Variants in SIN3A observed in about 807,000 individuals in gnomAD.
SIN3A encodes the protein paired amphipathic helix protein Sin3a.
SIN3A carries 14 observed loss-of-function variants against 146.1 expected under a neutral mutation model. That is an observed-to-expected ratio of 0.10 (90% confidence interval 0.06 to 0.15). SIN3A has a LOEUF of 0.15. Ranked by LOEUF, SIN3A falls within the 10% of genes least tolerant of loss-of-function variation. SIN3A has a pLI of 1.00. For missense variants in SIN3A, 1,028 were observed against 1,576.0 expected (o/e 0.65, Z 5.89); for synonymous variants, 572 against 572.0 (o/e 1.00, Z 0.00).
intron 2 of SIN3A, among the ~76,000 whole-genome samples, chr15:75,425,509 G>GT (rs1389332922): frequency 2.6e-5 from 4 of 152,114 alleles, no homozygotes; most frequent in Admixed American, 2.6e-4. Context: ...TACGAGCACT[G>GT]TATCTAATGT....
intron 15 of SIN3A, among the ~76,000 whole-genome samples, chr15:75,390,651 G>A (rs950117323): frequency 2.6e-5 from 4 of 152,156 alleles, no homozygotes; most frequent in Non-Finnish European, 4.4e-5. Context: ...GTTATGTTTC[G>A]TTTCTTGAAC....
At chr15:75,417,610 C>T (rs1191729618) in intron 3 of SIN3A, among the ~76,000 whole-genome samples, 2 of 151,958 alleles carry the variant, frequency 1.3e-5, no homozygotes, top group East Asian at 1.9e-4. Flanking sequence ...AACTCCTGAC[C>T]TCAACTGATC....
intron 18 of SIN3A, among the ~76,000 whole-genome samples, chr15:75,381,406 G>A (rs1427506964): frequency 3.3e-5 from 5 of 152,190 alleles, no homozygotes; most frequent in African/African-American, 4.8e-5. Context: ...TTTACTAAGT[G>A]CAAGATGAGG....
intron 2 of SIN3A, 116 bp from the exon 3 acceptor site, chr15:75,422,939 C>A: frequency 1.8e-6 from 2 of 1,084,960 alleles, no homozygotes; most frequent in Non-Finnish European, 2.6e-6. Flanking sequence ...CAAATTTCTG[C>A]TGGGCGTGAT....
rs531335819 is a variant in SIN3A at position 75,415,670 on chromosome 15, G to A, written c.367-1359C>T. On this transcript the variant is annotated intron_variant, in intron 3 of 20. Coordinates refer to ENST00000394947, the MANE Select transcript of SIN3A (RefSeq NM_001145358.2). Reference sequence around the variant, plus strand: ...AGTTCGAGACCAGCCTGACCAACACGGAGAAACCCATCTCTACTAAAAATA... The same window carrying A: ...AGTTCGAGACCAGCCTGACCAACACAGAGAAACCCATCTCTACTAAAAATA... 4.7e-4 allele frequency: 75 copies of A among 160,180 alleles called. 1 individual carries two copies. The South Asian group carries it at 0.011, about 22-fold the overall frequency. The allele number at this position is 160,180 out of a possible 1,614,324, so 9.9% of individuals were successfully genotyped here.
chr15:75,416,745 T>C (rs1423060654), intron 3 of SIN3A, among the ~76,000 whole-genome samples: 5 of 152,218 alleles, frequency 3.3e-5, no homozygotes, highest in Non-Finnish European at 7.3e-5. Flanking sequence ...TAACTCCCTT[T>C]TACCCAGACA....
intron 2 of SIN3A, among the ~76,000 whole-genome samples, chr15:75,426,870 T>A (rs1432872522): frequency 2.0e-5 from 3 of 151,842 alleles, no homozygotes; most frequent in Admixed American, 6.6e-5. Flanking sequence ...AGGTGAAGGG[T>A]GCAGTGAGCT....
intron 15 of SIN3A, 42 bp downstream of exon 15, chr15:75,392,200 A>G (rs182870460): frequency 6.3e-7 from 1 of 1,577,594 alleles, no homozygotes. Flanking sequence ...TAAGGTCCTC[A>G]ACCTCACACA....
chr15:75,438,742 A>C (rs958528331), intron 1 of SIN3A, among the ~76,000 whole-genome samples: 1 of 152,162 alleles, frequency 6.6e-6, no homozygotes, highest in African/African-American at 2.4e-5. Flanking sequence ...CTCTTAGAAC[A>C]AAAAATAAAA....
intron 9 of SIN3A, among the ~76,000 whole-genome samples, chr15:75,406,235 G>A (rs984362736): frequency 7.2e-5 from 11 of 152,110 alleles, no homozygotes; most frequent in Non-Finnish European, 1.5e-4. Context: ...AAGTTTATGT[G>A]GCCAAACTAA....
At chr15:75,397,163 A>C (rs2073320436) in intron 12 of SIN3A, among the ~76,000 whole-genome samples, 1 of 152,208 alleles carries the variant, frequency 6.6e-6, no homozygotes, top group African/African-American at 2.4e-5. Context: ...AGCTTAAAAT[A>C]AGGTTCTCTA....
chr15:75,394,605 G>A, intron 14 of SIN3A, 75 bp downstream of exon 14: 1 of 1,242,670 alleles, frequency 8.0e-7, no homozygotes, highest in Non-Finnish European at 1.1e-6. Flanking sequence ...ATTTAACAAA[G>A]GTAATTTCCA....
intron 3 of SIN3A, among the ~76,000 whole-genome samples, chr15:75,416,553 T>C (rs1222256343): frequency 2.0e-5 from 3 of 152,296 alleles, no homozygotes; most frequent in Non-Finnish European, 4.4e-5. Context: ...CTCAAACTCC[T>C]GACCACAAGT....
intron 1 of SIN3A, among the ~76,000 whole-genome samples, chr15:75,448,661 T>C (rs1211153213): frequency 6.6e-6 from 1 of 152,178 alleles, no homozygotes; most frequent in Non-Finnish European, 1.5e-5. Flanking sequence ...AACTCTTGGC[T>C]GGTGGATTGC....
chr15:75,382,757 C>G (rs1438517443), intron 17 of SIN3A, among the ~76,000 whole-genome samples: 6 of 151,614 alleles, frequency 4.0e-5, no homozygotes, highest in East Asian at 3.9e-4. Flanking sequence ...GACAAGCCTG[C>G]CCAACATGGT....
chr15:75,386,810 C>T (rs762197844), intron 16 of SIN3A, among the ~76,000 whole-genome samples: 8 of 152,148 alleles, frequency 5.3e-5, no homozygotes, highest in Non-Finnish European at 1.2e-4. Context: ...CCCTCTTAAG[C>T]CAGCCTACAA....
chr15:75,407,892 C>CAA (rs775913884), intron 8 of SIN3A, among the ~76,000 whole-genome samples: 2,744 of 24,660 alleles, frequency 0.11, 795 homozygotes, highest in Middle Eastern at 0.38. Context: ...GACTCCATCT[C>CAA]AAAAAAAAAA....
At position 75,414,251 on chromosome 15, in the gene SIN3A, C is replaced by T; in HGVS notation, c.427G>A (p.Val143Ile). The change falls in exon 4 of 21, where the codon GTC becomes ATC. Residue 143 changes from valine to isoleucine, a missense_variant. Val to Ile is a conservative substitution (Grantham distance 29). Around this residue, in one of 9 missense-constraint regions of SIN3A, gnomAD observed 152 missense variants for 231.5 expected, o/e 0.66. Coordinates refer to ENST00000394947, the MANE Select transcript of SIN3A (RefSeq NM_001145358.2). ...ATGATGTCAAGGAAATCATTGTAGA[C>T]CTGAGGCTGACTACCAAACTGCAGC... ...VKLQFGSQPQ[V>I]YNDFLDIMKE... 6.4e-7 allele frequency: 1 copy of T among 1,555,724 alleles called. No homozygotes were observed. Among genetic ancestry groups the T allele is most frequent in the Non-Finnish European group, 8.7e-7 (1 of 1,143,142 alleles).
chr15:75,411,452 G>C, intron 6 of SIN3A, 40 bp downstream of exon 6: 1 of 1,581,444 alleles, frequency 6.3e-7, no homozygotes. Context: ...TGCCCTAAGA[G>C]GGTGACCTGG....
Sources: gnomAD v4.1 joint callset for allele counts (sites outside exome capture counted in the v4.1 genomes callset) on GRCh38, gnomAD v4.1.1 for gene constraint, gnomAD v4.1.1 regional missense constraint, MANE v1.5 for transcripts, NCBI Gene and HGNC (gene_info 2026-07-23, HGNC 2026-07-21) for gene names.